Variants in ITPR1 observed in about 807,000 individuals in gnomAD.
ITPR1 encodes inositol 1,4,5-trisphosphate receptor type 1.
ITPR1 carries 96 observed loss-of-function variants against 318.4 expected under a neutral mutation model. That is an observed-to-expected ratio of 0.30 (90% CI 0.26 to 0.36). The LOEUF is 0.36. Among genes scored for constraint, ITPR1 ranks in the 10% least tolerant of loss-of-function variants. ITPR1 has a pLI of 1.00. For missense variants in ITPR1, 2,440 were observed against 3,460.2 expected, an observed-to-expected ratio of 0.71 and a Z score of 7.40; for synonymous variants, 1,312 against 1,289.9, an observed-to-expected ratio of 1.02 and a Z score of -0.37.
intron 24 of ITPR1, among the ~76,000 whole-genome samples, chr3:4,677,942 C>T (rs568797695): frequency 1.8e-4 from 28 of 152,188 alleles, no homozygotes; most frequent in South Asian, 4.2e-4. Context: ...CGACAACCTG[C>T]GCTTCCCTCT....
intron 14 of ITPR1, among the ~76,000 whole-genome samples, chr3:4,661,758 T>C (rs1273859880): frequency 6.6e-6 from 1 of 152,226 alleles, no homozygotes; most frequent in Non-Finnish European, 1.5e-5. Flanking sequence ...TTAATTACCA[T>C]TTTCCATATT....
chr3:4,567,124 T>G (rs1345918705), intron 4 of ITPR1, among the ~76,000 whole-genome samples: 1 of 152,144 alleles, frequency 6.6e-6, no homozygotes, highest in Non-Finnish European at 1.5e-5. Flanking sequence ...GTTAAACAAG[T>G]TGATATGTGG....
At chr3:4,813,433 T>C (rs1033614214) in intron 57 of ITPR1, among the ~76,000 whole-genome samples, 199 bp downstream of exon 57, 5 of 152,126 alleles carry the variant, frequency 3.3e-5, no homozygotes, top group African/African-American at 1.2e-4. Flanking sequence ...ATTCAGCCGA[T>C]TTATACTGAG....
chr3:4,825,802 C>G, intron 60 of ITPR1: 1 of 456,842 alleles, frequency 2.2e-6, no homozygotes, highest in Non-Finnish European at 4.4e-6. Flanking sequence ...TTGGGGACAA[C>G]AGCTTCCAGC....
chr3:4,834,890 G>A (rs2050782622), intron 60 of ITPR1, among the ~76,000 whole-genome samples: 1 of 152,274 alleles, frequency 6.6e-6, no homozygotes, highest in African/African-American at 2.4e-5. Context: ...TTTATTCAGG[G>A]TATAGGAAGG....
At chr3:4,626,014 C>G (rs1255950843) in intron 4 of ITPR1, among the ~76,000 whole-genome samples, 1 of 152,020 alleles carries the variant, frequency 6.6e-6, no homozygotes, top group African/African-American at 2.4e-5. Context: ...TCTGGTGAAG[C>G]CCAAATATTA....
At chr3:4,778,795 A>G (rs1366744360) in intron 48 of ITPR1, among the ~76,000 whole-genome samples, 1 of 152,180 alleles carries the variant, frequency 6.6e-6, no homozygotes, top group Non-Finnish European at 1.5e-5. Context: ...AACTGCTGTG[A>G]CCTAAACTAG....
chr3:4,601,284 C>T (rs1207900911), intron 4 of ITPR1, among the ~76,000 whole-genome samples: 1 of 148,292 alleles, frequency 6.7e-6, no homozygotes, highest in Non-Finnish European at 1.5e-5. Flanking sequence ...TTTGGGAGGC[C>T]AAGGTGGGAG....
chr3:4,697,084 G>T, intron 33 of ITPR1, 63 bp from the exon 34 acceptor site: 3 of 1,514,406 alleles, frequency 2.0e-6, no homozygotes, highest in Non-Finnish European at 2.7e-6. Context: ...TGAAGTTGAG[G>T]CAGCTAATGA....
At chr3:4,691,951 G>A (rs1280547405) in intron 32 of ITPR1, among the ~76,000 whole-genome samples, 1 of 152,024 alleles carries the variant, frequency 6.6e-6, no homozygotes, top group Non-Finnish European at 1.5e-5. Context: ...CAGGAGTACA[G>A]GACCAGCCTG....
Position 4,663,211 on chromosome 3 carries a change from G to T in ITPR1, c.1554+5G>T, listed in dbSNP as rs1435630907. ...GAACAGAATATTCTCAAGCAGGTCG[G>T]TGAGATGTGGCGTACTGGGGATTTG... On this transcript the variant is annotated splice_donor_5th_base_variant and intron_variant, in intron 16 of 61. Coordinates refer to ENST00000649015, the MANE Select transcript of ITPR1 (RefSeq NM_001378452.1). The T allele has an allele frequency of 6.2e-7, 1 of 1,608,590 alleles. No individual in the cohort carries two copies.
At chr3:4,772,584 G>A (rs192710244) in intron 46 of ITPR1, among the ~76,000 whole-genome samples, 1 of 152,330 alleles carries the variant, frequency 6.6e-6, no homozygotes, top group African/African-American at 2.4e-5. Context: ...TGCAGGTCCT[G>A]ATCTCTTTCC....
At chr3:4,554,266 G>A (rs1342089160) in intron 4 of ITPR1, among the ~76,000 whole-genome samples, 1 of 152,176 alleles carries the variant, frequency 6.6e-6, no homozygotes, top group Non-Finnish European at 1.5e-5. Context: ...TGATACCTGT[G>A]AGCTTAGCAG....
At chr3:4,681,929 C>T (rs759150256) in intron 26 of ITPR1, among the ~76,000 whole-genome samples, 1 of 152,090 alleles carries the variant, frequency 6.6e-6, no homozygotes, top group Non-Finnish European at 1.5e-5. Context: ...AAAAACCGCA[C>T]TGGTCAATTT....
chr3:4,653,456 G>A (rs1397895067), intron 11 of ITPR1, among the ~76,000 whole-genome samples: 2 of 152,220 alleles, frequency 1.3e-5, no homozygotes, highest in Admixed American at 6.5e-5. Context: ...ACTAATGGTG[G>A]TGGCATTATC....
At chr3:4,657,812 G>A (rs183570330) in intron 12 of ITPR1, among the ~76,000 whole-genome samples, 5 of 152,032 alleles carry the variant, frequency 3.3e-5, no homozygotes, top group African/African-American at 9.7e-5. Context: ...TCATTATCTT[G>A]GCCAGGCTGG....
chr3:4,759,781 C>T (rs1478776587), intron 44 of ITPR1, among the ~76,000 whole-genome samples: 1 of 152,240 alleles, frequency 6.6e-6, no homozygotes, highest in Non-Finnish European at 1.5e-5. Context: ...GATTCCAGTG[C>T]TTCCAGCTGC....
chr3:4,677,502 C>A (rs1052614907), intron 24 of ITPR1, among the ~76,000 whole-genome samples: 3 of 152,088 alleles, frequency 2.0e-5, no homozygotes, highest in African/African-American at 7.2e-5. Flanking sequence ...ACACAGATAT[C>A]TTGGGAAAGG....
intron 4 of ITPR1, among the ~76,000 whole-genome samples, chr3:4,607,005 G>A (rs902442118): frequency 1.3e-5 from 2 of 152,158 alleles, no homozygotes; most frequent in African/African-American, 2.4e-5. Context: ...CAGGGGCCAC[G>A]TGAGAAGTCT....
Sources: allele counts gnomAD v4.1 joint callset (sites outside exome capture counted in the v4.1 genomes callset), GRCh38; gene constraint gnomAD v4.1.1; transcripts MANE v1.5; gene names NCBI Gene and HGNC (gene_info 2026-07-23, HGNC 2026-07-21).